Variants in PRKAR1A observed in about 807,000 individuals in gnomAD.
PRKAR1A encodes the protein protein kinase cAMP-dependent type I regulatory subunit alpha.
In PRKAR1A, 3 loss-of-function variants were observed where a neutral mutation model predicts 52.0. The ratio of observed to expected loss-of-function variants is 0.06; its 90% CI spans 0.03 to 0.15. PRKAR1A has a LOEUF of 0.15. Among genes scored for constraint, PRKAR1A ranks in the 10% least tolerant of loss-of-function variants. The pLI, the probability that PRKAR1A is intolerant of heterozygous loss-of-function variation, is 1.00. For missense variants in PRKAR1A, 240 were observed against 477.4 expected (o/e 0.50, Z 4.63); for synonymous variants, 188 against 168.4 (o/e 1.12, Z -0.90).
intron 1 of PRKAR1A, chr17:68,513,002 C>T (rs12941038): frequency 0.2 from 29,947 of 152,366 alleles, 3,125 homozygotes; most frequent in South Asian, 0.26. Context: ...CCACTTTTGA[C>T]GACTCGTCAT....
chr17:68,418,919 A>G, the PRKAR1A span, among the ~76,000 whole-genome samples: 1 of 151,844 alleles, frequency 6.6e-6, no homozygotes, highest in Non-Finnish European at 1.5e-5. Context: ...GAACTCTTGT[A>G]ATTTTGAGGG....
rs376091323 is a variant in PRKAR1A, at chr17:68,515,635, TG to T, written c.177+61del. On this transcript the variant is annotated intron_variant, in intron 2 of 10. Transcript: ENST00000589228. ...TGTGACAGTTGTTACATTTAATAAC[TG>T]GAATGTTACTAATTTGTATTTTTTG... 1.2e-5 allele frequency: 18 copies of T among 1,539,644 alleles called. No individual in the cohort carries two copies. The African/African-American group carries it at 2.2e-4, about 19-fold the overall frequency.
chr17:68,508,443 C>T (rs998622911), upstream of PRKAR1A, among the ~76,000 whole-genome samples: 5 of 152,152 alleles, frequency 3.3e-5, no homozygotes, highest in Admixed American at 2.6e-4. Context: ...AGAAAACTAC[C>T]GCATGTTCTC....
At chr17:68,496,137 G>T in the PRKAR1A span, among the ~76,000 whole-genome samples, 1 of 137,480 alleles carries the variant, frequency 7.3e-6, no homozygotes, top group African/African-American at 2.8e-5. Flanking sequence ...CGCCTCCCGG[G>T]GTCAAGCAAT....
In PRKAR1A at chr17:68,532,812, T is replaced by C. The variant is rs1347337216; in HGVS notation, c.*2363T>C. On this transcript the variant is annotated 3_prime_UTR_variant, in exon 11 of 11. Transcript: ENST00000589228. ...CCCTTTCTCCTTTCCGTCTTTCCTCTCTCTGTCCTTCCCCGAAAGTCTACT... is the reference window on the plus strand; with the variant it reads ...CCCTTTCTCCTTTCCGTCTTTCCTCCCTCTGTCCTTCCCCGAAAGTCTACT... 2 of 1,066,354 alleles carry C rather than the reference T, an allele frequency of 1.9e-6. No homozygotes were observed. The highest frequency in any genetic ancestry group is 2.3e-6 in the Non-Finnish European group (2 of 879,798). The allele number at this position is 1,066,354 out of a possible 1,614,324, so 66.1% of individuals were successfully genotyped here.
intron 11 of PRKAR1A, among the ~76,000 whole-genome samples, chr17:68,549,473 A>G (rs1466109085): frequency 6.6e-6 from 1 of 151,408 alleles, no homozygotes; most frequent in Non-Finnish European, 1.5e-5. Flanking sequence ...CAGCCTGGGC[A>G]ACAAATGCAA....
At chr17:68,431,103 G>A in the PRKAR1A span, among the ~76,000 whole-genome samples, 1,787 of 152,186 alleles carry the variant, frequency 0.012, 9 homozygotes, top group Middle Eastern at 0.024. Flanking sequence ...TCCGGGCTGG[G>A]GTTTACAAAG....
chr17:68,459,153 A>G, the PRKAR1A span, among the ~76,000 whole-genome samples: 2 of 152,170 alleles, frequency 1.3e-5, no homozygotes, highest in Non-Finnish European at 2.9e-5. Flanking sequence ...GCTGATTGTG[A>G]GGTGTTGTAT....
chr17:68,506,552 C>T, the PRKAR1A span, among the ~76,000 whole-genome samples: 6 of 151,718 alleles, frequency 4.0e-5, no homozygotes, highest in South Asian at 2.1e-4. Context: ...GGCCCGATTT[C>T]GGCTCACTGC....
At chr17:68,492,007 C>T in the PRKAR1A span, among the ~76,000 whole-genome samples, 1 of 152,194 alleles carries the variant, frequency 6.6e-6, no homozygotes, top group East Asian at 1.9e-4. Context: ...TGGAGGTCAT[C>T]CAAGCTGTTA....
the PRKAR1A span, among the ~76,000 whole-genome samples, chr17:68,472,062 C>T: frequency 2.0e-5 from 3 of 152,196 alleles, no homozygotes; most frequent in African/African-American, 7.2e-5. Flanking sequence ...CCTGGGCCTC[C>T]CAATGTGCTG....
chr17:68,540,246 T>C (rs1238695994), intron 11 of PRKAR1A, among the ~76,000 whole-genome samples: 1 of 152,226 alleles, frequency 6.6e-6, no homozygotes, highest in Non-Finnish European at 1.5e-5. Flanking sequence ...GATTTGAATG[T>C]GCAGAAAGTC....
At chr17:68,520,062 T>C (rs1170065584) in intron 2 of PRKAR1A, among the ~76,000 whole-genome samples, 1 of 152,218 alleles carries the variant, frequency 6.6e-6, no homozygotes, top group Admixed American at 6.5e-5. Context: ...CTTATGTTCT[T>C]GACACCACAT....
At chr17:68,542,312 TC>T in intron 11 of PRKAR1A, 1 of 936,368 alleles carries the variant, frequency 1.1e-6, no homozygotes, top group Non-Finnish European at 1.6e-6. Flanking sequence ...CATTGACTTT[TC>T]CAGAAGTGAG....
the PRKAR1A span, chr17:68,427,060 G>C: frequency 8.0e-7 from 1 of 1,247,436 alleles, no homozygotes; most frequent in Non-Finnish European, 1.2e-6. Flanking sequence ...AGGGGGAAGG[G>C]GAGGGAGCGT....
the PRKAR1A span, chr17:68,421,601 C>T: frequency 2.5e-5 from 20 of 813,976 alleles, no homozygotes; most frequent in East Asian, 1.0e-4. Flanking sequence ...CAACCAGGGT[C>T]GTGGGAAGCT....
At chr17:68,489,209 T>A in the PRKAR1A span, among the ~76,000 whole-genome samples, 12 of 40,116 alleles carry the variant, frequency 3.0e-4, 1 homozygote, top group Non-Finnish European at 4.2e-4. Flanking sequence ...TATATATATA[T>A]ATATATATAT....
chr17:68,527,968 G>C (rs2085843857), intron 8 of PRKAR1A, 68 bp downstream of exon 8: 4 of 1,369,842 alleles, frequency 2.9e-6, no homozygotes, highest in Admixed American at 3.4e-5. Context: ...GGATGGACTT[G>C]GGAAAAGCCT....
intron 11 of PRKAR1A, chr17:68,541,205 G>A (rs888630679): frequency 1.4e-5 from 7 of 505,694 alleles, no homozygotes; most frequent in African/African-American, 3.9e-5. Context: ...CTGTGTGCCA[G>A]AGGGGAGAGG....
Sources: gnomAD v4.1 joint callset for allele counts (sites outside exome capture counted in the v4.1 genomes callset) on GRCh38, gnomAD v4.1.1 for gene constraint, MANE v1.5 for transcripts, NCBI Gene and HGNC (gene_info 2026-07-23, HGNC 2026-07-21) for gene names.